DIAPH3: variants seen among roughly 807,000 people sequenced by gnomAD.
DIAPH3 encodes diaphanous related formin 3.
DIAPH3 carries 117 observed loss-of-function variants against 144.3 expected under a neutral mutation model. The observed-to-expected ratio is 0.81, with a 90% CI of 0.70 to 0.95. The LOEUF (loss-of-function observed/expected upper bound fraction) is 0.95. DIAPH3 is among the 40% of genes least tolerant of loss of function. The pLI is 0.00. For synonymous variants in DIAPH3, 519 were observed against 488.9 expected, an observed-to-expected ratio of 1.06 and a Z score of -0.81; for missense variants, 1,421 against 1,412.7, an observed-to-expected ratio of 1.01 and a Z score of -0.09.
At chr13:60,016,470 C>T (rs2053656386) in intron 5 of DIAPH3, among the ~76,000 whole-genome samples, 1 of 152,090 alleles carries the variant, frequency 6.6e-6, no homozygotes, top group African/African-American at 2.4e-5. Flanking sequence ...AACTGGCAAA[C>T]CAATCAGAGC....
At chr13:59,712,446 T>C (rs1365888177) in intron 27 of DIAPH3, among the ~76,000 whole-genome samples, 1 of 152,232 alleles carries the variant, frequency 6.6e-6, no homozygotes, top group East Asian at 1.9e-4. Context: ...CTGTATTTTC[T>C]CTCTATTCCC....
At chr13:59,908,795 A>G (rs1232658204) in intron 20 of DIAPH3, among the ~76,000 whole-genome samples, 1 of 152,200 alleles carries the variant, frequency 6.6e-6, no homozygotes, top group African/African-American at 2.4e-5. Context: ...TGAAAATGCT[A>G]GAAATCATAA....
At chr13:59,912,022 C>T (rs1470778020) in intron 19 of DIAPH3, among the ~76,000 whole-genome samples, 186 bp from the exon 20 acceptor site, 2 of 152,108 alleles carry the variant, frequency 1.3e-5, no homozygotes, top group Non-Finnish European at 2.9e-5. Flanking sequence ...TTTTCCATTT[C>T]TCTATCCCAG....
intron 21 of DIAPH3, among the ~76,000 whole-genome samples, chr13:59,876,190 T>A (rs1336018172): frequency 1.3e-5 from 2 of 152,202 alleles, no homozygotes; most frequent in African/African-American, 4.8e-5. Flanking sequence ...TTATACTCAG[T>A]GTGAAAATTC....
rs4054895 is a variant in DIAPH3, at chr13:59,983,139, TAAAAAAAA to T, written c.1480+622_1480+629del. On this transcript the variant is annotated intron_variant, in intron 13 of 27. Coordinates refer to ENST00000400324, the MANE Select transcript of DIAPH3 (RefSeq NM_001042517.2). ...ACACTAAATAATAATGCTTTATCTT[TAAAAAAAA>T]AAAAAAAAAAAACTCTCAAGTTATA... 2.9e-5 allele frequency among the ~76,000 whole-genome samples: 3 copies of T among 104,664 alleles called. No individual in the cohort carries two copies. In the South Asian group the frequency reaches 9.7e-4, roughly 34 times the overall value. 68.7% of individuals were successfully genotyped at this position (104,664 alleles called of 152,430 possible). A position where few individuals can be genotyped will look rare whatever the true frequency, so the allele number is the denominator to read the frequency against.
chr13:59,999,808 G>A (rs757032835), intron 9 of DIAPH3, among the ~76,000 whole-genome samples: 3 of 151,978 alleles, frequency 2.0e-5, no homozygotes, highest in Non-Finnish European at 2.9e-5. Context: ...GCCTCCCCCA[G>A]CTCCTCCTCC....
chr13:59,933,381 G>A (rs1393263482), intron 17 of DIAPH3, among the ~76,000 whole-genome samples: 1 of 152,190 alleles, frequency 6.6e-6, no homozygotes, highest in Non-Finnish European at 1.5e-5. Flanking sequence ...CCCTCCCCCT[G>A]TGGTGACAAA....
chr13:59,839,525 C>T (rs1593621471), intron 22 of DIAPH3, 77 bp from the exon 23 acceptor site: 6 of 1,379,148 alleles, frequency 4.4e-6, no homozygotes, highest in Non-Finnish European at 5.9e-6. Flanking sequence ...AGAAACAAAA[C>T]ATTCATGAAA....
intron 4 of DIAPH3, among the ~76,000 whole-genome samples, chr13:60,063,094 G>A (rs777743450): frequency 9.2e-5 from 14 of 152,168 alleles, no homozygotes; most frequent in Non-Finnish European, 1.8e-4. Flanking sequence ...TTCAAAATTG[G>A]AGTCAATCAT....
intron 3 of DIAPH3, among the ~76,000 whole-genome samples, chr13:60,102,917 G>A (rs2058313904): frequency 6.6e-6 from 1 of 152,046 alleles, no homozygotes; most frequent in Non-Finnish European, 1.5e-5. Flanking sequence ...CACCTATTCT[G>A]TAACTTGCAC....
intron 27 of DIAPH3, among the ~76,000 whole-genome samples, chr13:59,705,455 A>G (rs2034366157): frequency 6.6e-6 from 1 of 152,208 alleles, no homozygotes; most frequent in African/African-American, 2.4e-5. Context: ...CTGAAAGTAG[A>G]TTTGACTTTA....
chr13:59,966,660 G>A (rs927829927), intron 17 of DIAPH3, among the ~76,000 whole-genome samples: 5 of 152,134 alleles, frequency 3.3e-5, no homozygotes, highest in African/African-American at 4.8e-5. Flanking sequence ...AAGTCTACAT[G>A]ACAGAAAACT....
At chr13:59,965,083 C>T (rs1032992178) in intron 17 of DIAPH3, among the ~76,000 whole-genome samples, 2 of 152,164 alleles carry the variant, frequency 1.3e-5, no homozygotes, top group Admixed American at 1.3e-4. Flanking sequence ...AATGCAACAT[C>T]TTGAACACCG....
intron 9 of DIAPH3, among the ~76,000 whole-genome samples, chr13:60,007,971 A>G (rs1379793976): frequency 2.0e-5 from 3 of 152,214 alleles, no homozygotes; most frequent in Admixed American, 6.5e-5. Context: ...AACTATGATA[A>G]TATCTCATAC....
rs116339614 is a variant in DIAPH3 at position 60,160,086 on chromosome 13, T to C, written c.180+3501A>G. ...AAAAATACAAAAAATTAGCCGGGCG[T>C]TGCGGTGGGCACCTGTAGTCCCAAC... On this transcript the variant is annotated intron_variant, in intron 1 of 27. Coordinates refer to ENST00000400324, the MANE Select transcript of DIAPH3 (RefSeq NM_001042517.2). Among the ~76,000 whole-genome samples, 1,391 of 152,156 alleles carry C rather than the reference T, an allele frequency of 9.1e-3. 25 individuals carry two copies. The highest frequency in any genetic ancestry group is 0.031 in the African/African-American group (1,300 of 41,514).
At chr13:59,723,774 C>T (rs1306572986) in intron 27 of DIAPH3, among the ~76,000 whole-genome samples, 2 of 150,824 alleles carry the variant, frequency 1.3e-5, no homozygotes, top group Non-Finnish European at 2.9e-5. Context: ...CCGCACCCAG[C>T]TAATTTTTTT....
chr13:59,692,137 CTTTTTTTTTTTTTTT>C (rs56205887), intron 27 of DIAPH3, among the ~76,000 whole-genome samples: 1 of 58,178 alleles, frequency 1.7e-5, no homozygotes, highest in African/African-American at 6.2e-5. Context: ...TTGAGAAATT[CTTTTTTTTTTTTTTT>C]TTTTTTTTTT....
At chr13:59,736,635 C>G (rs537205034) in intron 27 of DIAPH3, among the ~76,000 whole-genome samples, 1 of 152,256 alleles carries the variant, frequency 6.6e-6, no homozygotes, top group South Asian at 2.1e-4. Context: ...CATTGACATT[C>G]TTCACAGAAC....
chr13:59,878,658 A>G (rs1411694015), intron 21 of DIAPH3, among the ~76,000 whole-genome samples: 1 of 151,880 alleles, frequency 6.6e-6, no homozygotes, highest in Non-Finnish European at 1.5e-5. Context: ...GACACAGGAG[A>G]AAAAAAAGGC....
Sources: allele counts gnomAD v4.1 joint callset (sites outside exome capture counted in the v4.1 genomes callset), GRCh38; gene constraint gnomAD v4.1.1; transcripts MANE v1.5; gene names NCBI Gene and HGNC (gene_info 2026-07-23, HGNC 2026-07-21).